Variants in HIVEP3 observed in about 807,000 individuals in gnomAD.
HIVEP3 encodes HIVEP zinc finger 3.
A neutral mutation model predicts 152.8 loss-of-function variants in HIVEP3; 49 were observed. The observed-to-expected ratio is 0.32, with a 90% CI of 0.26 to 0.41. The LOEUF (loss-of-function observed/expected upper bound fraction) is 0.41. Among genes scored for constraint, HIVEP3 ranks in the 10% least tolerant of loss-of-function variants. The pLI, the probability that HIVEP3 is intolerant of heterozygous loss-of-function variation, is 1.00. For missense variants in HIVEP3, 2,790 were observed against 3,103.3 expected (o/e 0.90, Z 2.40); for synonymous variants, 1,269 against 1,289.0 (o/e 0.98, Z 0.33).
chr1:41,929,415 G>GTTT (rs998569460), intron 1 of HIVEP3, among the ~76,000 whole-genome samples: 16 of 151,888 alleles, frequency 1.1e-4, no homozygotes, highest in African/African-American at 3.9e-4. Flanking sequence ...TGTTGTTGTT[G>GTTT]TTCAGCACTT....
At chr1:41,685,293 G>C (rs1393603810) in intron 2 of HIVEP3, among the ~76,000 whole-genome samples, 2 of 152,220 alleles carry the variant, frequency 1.3e-5, no homozygotes, top group African/African-American at 2.4e-5. Flanking sequence ...AGGGCCTGTA[G>C]GAGTACCTGC....
intron 5 of HIVEP3, among the ~76,000 whole-genome samples, chr1:41,545,720 CAAT>C (rs1341070733): frequency 1.5e-3 from 64 of 42,788 alleles, no homozygotes; most frequent in Non-Finnish European, 2.0e-3. Context: ...CCACCACCAC[CAAT>C]ACCACTACCA....
chr1:41,960,636 C>T (rs776954399), intron 1 of HIVEP3, among the ~76,000 whole-genome samples: 1 of 152,194 alleles, frequency 6.6e-6, no homozygotes, highest in Non-Finnish European at 1.5e-5. Context: ...CTTTCTCCCT[C>T]TGTTGGAGGT....
intron 2 of HIVEP3, among the ~76,000 whole-genome samples, chr1:41,690,285 G>A (rs1646176891): frequency 6.6e-6 from 1 of 152,234 alleles, no homozygotes; most frequent in Admixed American, 6.5e-5. Context: ...CATTTGAGCT[G>A]AGCCTTGTCT....
intron 1 of HIVEP3, among the ~76,000 whole-genome samples, chr1:41,941,387 T>TA (rs1645045400): frequency 1.3e-5 from 2 of 152,112 alleles, no homozygotes; most frequent in African/African-American, 4.8e-5. Context: ...CAGGCACACA[T>TA]AGGAAGAGTG....
intron 1 of HIVEP3, among the ~76,000 whole-genome samples, chr1:41,883,233 G>T (rs1327752433): frequency 6.6e-6 from 1 of 152,172 alleles, no homozygotes; most frequent in Admixed American, 6.5e-5. Context: ...GGCAGGAGCT[G>T]CTGGGAAGGC....
intron 1 of HIVEP3, among the ~76,000 whole-genome samples, chr1:41,732,109 T>G (rs1015999040): frequency 1.3e-5 from 2 of 151,936 alleles, no homozygotes; most frequent in African/African-American, 2.4e-5. Flanking sequence ...GAGGGAGCAG[T>G]GTGAGAGCTT....
At chr1:41,806,708 C>T (rs533360350) in intron 1 of HIVEP3, among the ~76,000 whole-genome samples, 5 of 152,290 alleles carry the variant, frequency 3.3e-5, no homozygotes, top group Admixed American at 6.5e-5. Flanking sequence ...CTCCAGTGGG[C>T]AAGGAGGCCT....
At chr1:41,690,158 G>A (rs1207999206) in intron 2 of HIVEP3, among the ~76,000 whole-genome samples, 1 of 152,268 alleles carries the variant, frequency 6.6e-6, no homozygotes, top group Non-Finnish European at 1.5e-5. Context: ...GCAGGGGAGT[G>A]TGGACAGGTG....
chr1:41,564,672 T>C (rs930701704), intron 5 of HIVEP3, among the ~76,000 whole-genome samples: 3 of 152,196 alleles, frequency 2.0e-5, no homozygotes, highest in African/African-American at 7.2e-5. Context: ...AATTCTATGA[T>C]AGATTTCAAT....
intron 1 of HIVEP3, among the ~76,000 whole-genome samples, chr1:41,971,357 T>C (rs1645227512): frequency 6.6e-6 from 1 of 152,190 alleles, no homozygotes; most frequent in Non-Finnish European, 1.5e-5. Context: ...TCCAAACTCC[T>C]TAGCCAAGCA....
At position 41,951,064 on chromosome 1, in the gene HIVEP3, C is replaced by A. The variant is rs1430674100; in HGVS notation, n.120-32540G>T. 2.0e-5 allele frequency among the ~76,000 whole-genome samples: 3 copies of A among 152,208 alleles called. No homozygotes were observed. In the East Asian group the frequency reaches 5.8e-4, roughly 29 times the overall value. ...TTCTGCTCCTGACTGTGCTGGAAAT[C>A]CCCACGTTTCTAACACATAGCTTTG... On this transcript the variant is annotated intron_variant and non_coding_transcript_variant, in intron 1 of 3. Coordinates refer to the HIVEP3 transcript ENST00000489103.
chr1:41,616,472 C>T (rs1432054927), intron 3 of HIVEP3, among the ~76,000 whole-genome samples: 1 of 152,108 alleles, frequency 6.6e-6, no homozygotes. Context: ...GTTGAAGGGA[C>T]TGCCAAGGAC....
At chr1:41,730,813 G>A (rs1002798744) in intron 1 of HIVEP3, among the ~76,000 whole-genome samples, 1 of 152,208 alleles carries the variant, frequency 6.6e-6, no homozygotes, top group African/African-American at 2.4e-5. Flanking sequence ...CCACAGGTGG[G>A]AGGCTGGGGG....
intron 1 of HIVEP3, among the ~76,000 whole-genome samples, chr1:41,762,021 A>G (rs1647718510): frequency 2.0e-5 from 3 of 152,142 alleles, no homozygotes; most frequent in African/African-American, 4.8e-5. Context: ...CTCCTCACCT[A>G]TTTTACACAT....
At chr1:41,729,071 C>T (rs1646800324) in intron 1 of HIVEP3, among the ~76,000 whole-genome samples, 2 of 152,170 alleles carry the variant, frequency 1.3e-5, no homozygotes, top group Non-Finnish European at 2.9e-5. Context: ...ACGTGCTTCC[C>T]CCAACACACA....
rs71062602 is a variant in HIVEP3, at chr1:41,886,712, C to CAAAAA, written c.-801+31696_-801+31700dup. 1.3e-4 allele frequency among the ~76,000 whole-genome samples: 11 copies of CAAAAA among 87,790 alleles called. 1 individual carries two copies. Among genetic ancestry groups the CAAAAA allele is most frequent in the African/African-American group, 2.2e-4 (5 of 22,780 alleles). The allele number at this position is 87,790 out of a possible 152,430, so 57.6% of individuals were successfully genotyped here. On this transcript the variant is annotated intron_variant, in intron 1 of 8. Transcript: ENST00000372583. Reference sequence around the variant, plus strand: ...GGGCAACAAGAGTGAAACTCCATTTCAAAAAAAAAAAAAAAAAAAAAAAAA... The same window carrying CAAAAA: ...GGGCAACAAGAGTGAAACTCCATTTCAAAAAAAAAAAAAAAAAAAAAAAAAAAAAA...
At chr1:41,778,503 C>A (rs1223398857) in intron 1 of HIVEP3, among the ~76,000 whole-genome samples, 1 of 152,224 alleles carries the variant, frequency 6.6e-6, no homozygotes, top group South Asian at 2.1e-4. Flanking sequence ...TCCCCAGGTA[C>A]AGGCTCAGCC....
chr1:41,800,389 G>A (rs1386943584), intron 1 of HIVEP3, among the ~76,000 whole-genome samples: 1 of 152,176 alleles, frequency 6.6e-6, no homozygotes, highest in East Asian at 1.9e-4. Flanking sequence ...TGCCATGGAG[G>A]AGCTGGGTCT....
Sources: allele counts gnomAD v4.1 joint callset (sites outside exome capture counted in the v4.1 genomes callset), GRCh38; gene constraint gnomAD v4.1.1; transcripts MANE v1.5; gene names NCBI Gene and HGNC (gene_info 2026-07-23, HGNC 2026-07-21).